Variants in HERC4 observed in about 807,000 individuals in gnomAD.
HERC4 encodes the protein probable E3 ubiquitin-protein ligase HERC4.
HERC4 carries 28 observed loss-of-function variants against 124.3 expected under a neutral mutation model. That is an observed-to-expected ratio of 0.23 (90% CI 0.17 to 0.31). The LOEUF (loss-of-function observed/expected upper bound fraction) is 0.31, where lower values mean the gene tolerates loss of function less well. Among genes scored for constraint, HERC4 ranks in the 10% least tolerant of loss-of-function variants. The pLI, the probability that HERC4 is intolerant of heterozygous loss-of-function variation, is 1.00. For missense variants in HERC4, 713 were observed against 1,229.3 expected (o/e 0.58, Z 6.28); for synonymous variants, 407 against 421.5 (o/e 0.97, Z 0.42).
chr10:67,943,395 T>C (rs768138191), intron 19 of HERC4, among the ~76,000 whole-genome samples: 6 of 152,178 alleles, frequency 3.9e-5, no homozygotes, highest in Non-Finnish European at 7.4e-5. Context: ...ATATGAAAAG[T>C]AGACAAATGG....
intron 9 of HERC4, among the ~76,000 whole-genome samples, chr10:68,006,415 G>A (rs1203588918): frequency 7.4e-5 from 11 of 147,776 alleles, no homozygotes; most frequent in Non-Finnish European, 1.2e-4. Flanking sequence ...CTTGCTGTCC[G>A]GGCTGGAGTG....
intron 7 of HERC4, among the ~76,000 whole-genome samples, chr10:68,032,525 A>C (rs1000187857): frequency 4.6e-5 from 7 of 152,218 alleles, no homozygotes; most frequent in African/African-American, 1.7e-4. Flanking sequence ...ATTTCATATA[A>C]AGCTGAGAAA....
At chr10:68,010,611 G>A in intron 9 of HERC4, 2 of 1,361,436 alleles carry the variant, frequency 1.5e-6, no homozygotes, top group East Asian at 2.4e-5. Flanking sequence ...GAGGGTTTCG[G>A]CTTTGCATAT....
In HERC4 at chr10:67,924,822, T is replaced by C. The variant is rs149786833; in HGVS notation, c.2941+263A>G. 1.9e-4 allele frequency among the ~76,000 whole-genome samples: 29 copies of C among 152,346 alleles called. No individual in the cohort carries two copies. In the East Asian group the frequency reaches 5.4e-3, roughly 28 times the overall value. ...AAAGGAATTCTACAATCCTAGTTTA[T>C]TGTAACCACAGTTTATTGTAACTAT... On this transcript the variant is annotated intron_variant, in intron 24 of 24. Coordinates refer to ENST00000373700, the MANE Select transcript of HERC4 (RefSeq NM_015601.4).
chr10:68,059,726 TATATATC>T (rs1287824813), intron 3 of HERC4, among the ~76,000 whole-genome samples: 10 of 53,398 alleles, frequency 1.9e-4, no homozygotes, highest in East Asian at 1.4e-3. Context: ...TATTATATAT[TATATATC>T]ATAATATTAT....
chr10:68,018,958 AG>A (rs2038432677), intron 8 of HERC4, among the ~76,000 whole-genome samples: 1 of 148,534 alleles, frequency 6.7e-6, no homozygotes, highest in South Asian at 2.1e-4. Context: ...TTTATATGAA[AG>A]TAATAAAGGT....
chr10:67,932,593 C>A lies in HERC4; in HGVS notation c.2838+4G>T. On this transcript the variant is annotated splice_donor_region_variant and intron_variant, in intron 23 of 24. Coordinates refer to ENST00000373700, the MANE Select transcript of HERC4 (RefSeq NM_015601.4). ...AACAATATCAGAGATTAGTTTTCCC[C>A]TACCTTTTCCAGTTCCTTCCAATCA... 1 of 1,601,374 alleles carries A rather than the reference C, an allele frequency of 6.2e-7. No homozygotes were observed. The highest frequency in any genetic ancestry group is 1.1e-5 in the South Asian group (1 of 88,214).
chr10:67,954,756 A>G lies in HERC4; in HGVS notation c.2194-18T>C. ...AATATAACCTAAAATAGCACAATGCAAACACCAAATAGACTGTAAAGAAAT... is the reference window on the plus strand; with the variant it reads ...AATATAACCTAAAATAGCACAATGCGAACACCAAATAGACTGTAAAGAAAT... On this transcript the variant is annotated intron_variant, in intron 18 of 24. Coordinates refer to ENST00000373700, the MANE Select transcript of HERC4 (RefSeq NM_015601.4). The G allele has an allele frequency of 6.2e-7, 1 of 1,610,098 alleles. No homozygotes were observed. The highest frequency in any genetic ancestry group is 8.5e-7 in the Non-Finnish European group (1 of 1,178,080).
intron 19 of HERC4, among the ~76,000 whole-genome samples, chr10:67,946,067 A>G (rs2033301416): frequency 6.6e-6 from 1 of 152,032 alleles, no homozygotes; most frequent in Non-Finnish European, 1.5e-5. Context: ...AGCCTGGGCA[A>G]CATGGTGAAA....
chr10:67,934,474 C>G (rs772133982), intron 22 of HERC4, among the ~76,000 whole-genome samples: 14 of 152,080 alleles, frequency 9.2e-5, no homozygotes, highest in Non-Finnish European at 2.1e-4. Flanking sequence ...CAGAAAGAAT[C>G]TTTGCTTGTT....
intron 15 of HERC4, among the ~76,000 whole-genome samples, chr10:67,972,219 G>GA (rs767498811): frequency 0.08 from 4,090 of 51,058 alleles, 155 homozygotes; most frequent in African/African-American, 0.14. Context: ...TGTCTCAAAG[G>GA]AAAAAAAAAA....
chr10:67,954,531 A>T, intron 19 of HERC4, 64 bp downstream of exon 19: 3 of 1,276,660 alleles, frequency 2.3e-6, no homozygotes, highest in Non-Finnish European at 3.2e-6. Context: ...AATTAACTTG[A>T]TACATACAGG....
intron 5 of HERC4, 82 bp downstream of exon 5, chr10:68,038,011 C>G (rs2039567913): frequency 1.3e-6 from 1 of 759,694 alleles, no homozygotes; most frequent in Admixed American, 3.0e-5. Context: ...GAAAGATGAG[C>G]AAAGCTGGAG....
chr10:67,979,312 C>T (rs111835794), intron 15 of HERC4, among the ~76,000 whole-genome samples: 2,157 of 151,970 alleles, frequency 0.014, 52 homozygotes, highest in African/African-American at 0.049. Flanking sequence ...AGCAATAATT[C>T]TGGAGCTGAA....
intron 15 of HERC4, among the ~76,000 whole-genome samples, chr10:67,970,156 A>G (rs999104347): frequency 3.7e-5 from 3 of 80,062 alleles, no homozygotes; most frequent in Non-Finnish European, 7.2e-5. Flanking sequence ...TAAAAATTCA[A>G]TTCCAGCTTA....
At chr10:67,967,711 A>G (rs1340965195) in intron 15 of HERC4, among the ~76,000 whole-genome samples, 1 of 152,228 alleles carries the variant, frequency 6.6e-6, no homozygotes, top group Non-Finnish European at 1.5e-5. Flanking sequence ...CAAGAAGCAT[A>G]CAAATGATCT....
intron 9 of HERC4, among the ~76,000 whole-genome samples, chr10:68,006,535 C>T (rs1222329983): frequency 6.6e-6 from 1 of 151,948 alleles, no homozygotes; most frequent in Admixed American, 6.6e-5. Context: ...CCATGCCCAG[C>T]TAATTTTTTA....
Position 68,059,636 on chromosome 10 carries a change from ATTATATATT to A in HERC4, c.226+13238_226+13246del, listed in dbSNP as rs1384946812. On this transcript the variant is annotated intron_variant, in intron 3 of 24. Transcript: ENST00000373700. The stretch of plus-strand genomic sequence containing the variant: ...ATATCATAATATTATATATCATAAT[ATTATATATT>A]ATATTATATATCATATTATATATTA... Among the ~76,000 whole-genome samples the A allele has an allele frequency of 3.7e-3, 314 of 85,226 alleles. 76 individuals are homozygous for A. The highest frequency in any genetic ancestry group is 0.014 in the African/African-American group (226 of 16,400). 55.9% of individuals were successfully genotyped at this position (85,226 alleles called of 152,430 possible). A position where few individuals can be genotyped will look rare whatever the true frequency, so the allele number is the denominator to read the frequency against.
At chr10:68,061,186 A>T (rs950127725) in intron 3 of HERC4, among the ~76,000 whole-genome samples, 1 of 152,154 alleles carries the variant, frequency 6.6e-6, no homozygotes, top group African/African-American at 2.4e-5. Context: ...AAAGCAACTT[A>T]TACCTATGTC....
Sources: allele counts gnomAD v4.1 joint callset (sites outside exome capture counted in the v4.1 genomes callset), GRCh38; gene constraint gnomAD v4.1.1; transcripts MANE v1.5; gene names NCBI Gene and HGNC (gene_info 2026-07-23, HGNC 2026-07-21).